The following EPM2A variants were observed in gnomAD, a reference collection of about 807,000 sequenced individuals.
EPM2A encodes laforin.
A neutral mutation model predicts 26.5 loss-of-function variants in EPM2A; 21 were observed. That is an observed-to-expected ratio of 0.79 (90% CI 0.56 to 1.14). The LOEUF is 1.14. EPM2A is among the 50% of genes most tolerant of loss of function. The pLI is 0.00. For missense variants in EPM2A, 458 were observed against 440.8 expected (o/e 1.04, Z -0.35); for synonymous variants, 217 against 177.6 (o/e 1.22, Z -1.76).
At chr6:145,554,147 G>A (rs1166323546) in intron 2 of EPM2A, among the ~76,000 whole-genome samples, 3 of 151,828 alleles carry the variant, frequency 2.0e-5, no homozygotes, top group African/African-American at 7.3e-5. Flanking sequence ...AAAAGTTCTT[G>A]CCCTCTTGAG....
At chr6:145,472,238 G>C (rs749457678) in intron 4 of EPM2A, among the ~76,000 whole-genome samples, 5 of 151,606 alleles carry the variant, frequency 3.3e-5, no homozygotes, top group Non-Finnish European at 5.9e-5. Context: ...AAGGACCCCT[G>C]GGCCCTGAGT....
chr6:145,522,624 G>A (rs957630280), intron 2 of EPM2A, among the ~76,000 whole-genome samples: 2 of 151,956 alleles, frequency 1.3e-5, no homozygotes, highest in African/African-American at 4.8e-5. Flanking sequence ...TGATTATTAC[G>A]GCAATTTCTC....
chr6:145,678,453 T>G (rs934209838), intron 2 of EPM2A, among the ~76,000 whole-genome samples: 1 of 151,970 alleles, frequency 6.6e-6, no homozygotes, highest in Non-Finnish European at 1.5e-5. Context: ...TCCATCAGAG[T>G]GAACAGGAAA....
At chr6:145,631,611 GC>G (rs1444309084) in intron 3 of EPM2A, 1 of 152,114 alleles carries the variant, frequency 6.6e-6, no homozygotes, top group Non-Finnish European at 1.5e-5. Context: ...AGCACTTCTA[GC>G]CTAACCTGTG....
chr6:145,451,776 A>G lies in EPM2A; in HGVS notation c.555+50746T>C, dbSNP rs1272107905. On this transcript the variant is annotated intron_variant, in intron 4 of 4. Coordinates refer to the EPM2A transcript ENST00000638717. ...TATTTTTTAATGAATTAAGAATTCT[A>G]AATTATTTTTTAATTTTAATTTGTA... is the stretch of plus-strand genomic sequence containing the variant. Among the ~76,000 whole-genome samples, 3 of 152,334 alleles carry G rather than the reference A, an allele frequency of 2.0e-5. No individual in the cohort carries two copies. The East Asian group carries it at 5.8e-4, about 29-fold the overall frequency.
chr6:145,586,899 C>T (rs1388411115), intron 2 of EPM2A, among the ~76,000 whole-genome samples: 1 of 152,188 alleles, frequency 6.6e-6, no homozygotes, highest in Non-Finnish European at 1.5e-5. Flanking sequence ...AAAAAAGTAA[C>T]TGATGATCAA....
chr6:145,497,910 A>G (rs1315226749), downstream of EPM2A, among the ~76,000 whole-genome samples: 1 of 152,212 alleles, frequency 6.6e-6, no homozygotes, highest in Non-Finnish European at 1.5e-5. Context: ...GGAACAGCAA[A>G]GATAGTGGCC....
intron 2 of EPM2A, among the ~76,000 whole-genome samples, chr6:145,565,416 G>C (rs1332961357): frequency 1.3e-5 from 2 of 152,108 alleles, no homozygotes; most frequent in African/African-American, 2.4e-5. Flanking sequence ...GTGAAGCAGT[G>C]GGGAGGGAAT....
intron 4 of EPM2A, among the ~76,000 whole-genome samples, chr6:145,469,503 T>C (rs1168804410): frequency 6.6e-6 from 1 of 152,086 alleles, no homozygotes; most frequent in Admixed American, 6.6e-5. Flanking sequence ...AAATGGCTTA[T>C]ATCCAAAAGA....
chr6:145,471,464 G>T (rs75917051), intron 4 of EPM2A, among the ~76,000 whole-genome samples: 1 of 152,114 alleles, frequency 6.6e-6, no homozygotes, highest in Non-Finnish European at 1.5e-5. Flanking sequence ...AGGTGAGCAT[G>T]CATAGAACCT....
At chr6:145,401,515 A>G (rs1778486149) in intron 4 of EPM2A, among the ~76,000 whole-genome samples, 1 of 152,144 alleles carries the variant, frequency 6.6e-6, no homozygotes, top group South Asian at 2.1e-4. Context: ...ATTAAGCATG[A>G]TCCTATTGCA....
At chr6:145,624,130 T>G (rs1775695222), downstream of EPM2A, among the ~76,000 whole-genome samples, 1 of 152,186 alleles carries the variant, frequency 6.6e-6, no homozygotes, top group African/African-American at 2.4e-5. Flanking sequence ...CTTCTTTTTC[T>G]AGCAGGTACT....
At chr6:145,541,676 A>AG (rs1484135794) in intron 2 of EPM2A, among the ~76,000 whole-genome samples, 1 of 152,160 alleles carries the variant, frequency 6.6e-6, no homozygotes, top group Non-Finnish European at 1.5e-5. Context: ...TTAATGACTG[A>AG]ATGAAGCAGA....
intron 2 of EPM2A, among the ~76,000 whole-genome samples, chr6:145,658,204 T>A (rs1778432927): frequency 6.6e-6 from 1 of 152,258 alleles, no homozygotes; most frequent in Non-Finnish European, 1.5e-5. Flanking sequence ...TGCCTGCATC[T>A]GTCCACGCAT....
chr6:145,659,931 A>G (rs1778566129), intron 2 of EPM2A, among the ~76,000 whole-genome samples: 3 of 152,282 alleles, frequency 2.0e-5, no homozygotes, highest in African/African-American at 7.2e-5. Context: ...TTTAAAATCC[A>G]TAAATATCAT....
chr6:145,581,486 G>A (rs751146252), intron 2 of EPM2A, among the ~76,000 whole-genome samples: 1 of 152,090 alleles, frequency 6.6e-6, no homozygotes, highest in East Asian at 1.9e-4. Context: ...CTGTGCAGAA[G>A]CTCTTTAGTT....
intron 4 of EPM2A, chr6:145,489,629 T>G: frequency 8.0e-7 from 1 of 1,250,026 alleles, no homozygotes; most frequent in South Asian, 1.3e-5. Flanking sequence ...CATGTGTAAT[T>G]TCATTCTAAA....
intron 2 of EPM2A, among the ~76,000 whole-genome samples, chr6:145,617,833 T>C (rs901029159): frequency 6.6e-6 from 1 of 152,062 alleles, no homozygotes; most frequent in Non-Finnish European, 1.5e-5. Context: ...TCCCAGATAC[T>C]CAAGAAGCTG....
Position 145,577,304 on chromosome 6 carries a change from A to G in EPM2A, c.340+57941T>C, listed in dbSNP as rs1417818210. ...GAAGAAACTCACTTCACCTATAAAG[A>G]CTATAAAGACACATAGACTGAAAAT... is the stretch of plus-strand genomic sequence containing the variant. On this transcript the variant is annotated intron_variant, in intron 2 of 3. Transcript: ENST00000450221. 7.9e-5 allele frequency among the ~76,000 whole-genome samples: 12 copies of G among 151,684 alleles called. No individual in the cohort carries two copies. In the East Asian group the frequency reaches 1.2e-3, roughly 15 times the overall value.
Sources: allele counts gnomAD v4.1 joint callset (sites outside exome capture counted in the v4.1 genomes callset), GRCh38; gene constraint gnomAD v4.1.1; transcripts MANE v1.5; gene names NCBI Gene and HGNC (gene_info 2026-07-23, HGNC 2026-07-21).